SGK2: variants seen among roughly 807,000 people sequenced by gnomAD.
The protein encoded by SGK2 is serum/glucocorticoid regulated kinase 2.
In SGK2, 36 loss-of-function variants were observed where a neutral mutation model predicts 47.5. The ratio of observed to expected loss-of-function variants is 0.76; its 90% CI spans 0.58 to 1.00. The LOEUF (loss-of-function observed/expected upper bound fraction) is 1.00. Among genes scored for constraint, SGK2 ranks in the 50% least tolerant of loss-of-function variants. The probability of loss-of-function intolerance (pLI) is 0.00; values close to 1 mark genes in which losing one functional copy is unlikely to be tolerated. For synonymous variants in SGK2, 157 were observed against 181.9 expected, an observed-to-expected ratio of 0.86 and a Z score of 1.10; for missense variants, 404 against 467.4, an observed-to-expected ratio of 0.86 and a Z score of 1.25.
chr20:43,570,272 G>A (rs1171374600), intron 6 of SGK2, among the ~76,000 whole-genome samples: 1 of 152,154 alleles, frequency 6.6e-6, no homozygotes, highest in African/African-American at 2.4e-5. Context: ...TGGGCAAGTC[G>A]CCTAACCATT....
At position 43,570,647 on chromosome 20, in the gene SGK2, T is replaced by C; in HGVS notation, c.391T>C (p.Phe131Leu). The change falls in exon 7 of 13, where the codon TTC (phenylalanine) becomes CTC (leucine). Residue 131 changes from phenylalanine (F) to leucine (L), a missense_variant. Transcript: ENST00000373100. ...LFFHLQRERR[F>L]LEPRARFYAA... ...CTTCCACCTGCAGCGGGAGCGCCGGTTCCTGGAGCCCCGGGCCAGGTTCTA... is the reference window on the plus strand; with the variant it reads ...CTTCCACCTGCAGCGGGAGCGCCGGCTCCTGGAGCCCCGGGCCAGGTTCTA... 1.2e-6 allele frequency: 2 copies of C among 1,611,594 alleles called. No homozygotes were observed. Among genetic ancestry groups the C allele is most frequent in the Non-Finnish European group, 1.7e-6 (2 of 1,178,226 alleles).
chr20:43,569,364 C>A (rs201216389), intron 5 of SGK2, 21 bp from the exon 6 acceptor site: 3 of 1,613,146 alleles, frequency 1.9e-6, no homozygotes, highest in Middle Eastern at 3.3e-4. Context: ...GACATGGACC[C>A]CTCTCTTTGT....
chr20:43,567,564 AT>A (rs1979810562), intron 3 of SGK2, 100 bp from the exon 4 acceptor site: 1 of 1,086,194 alleles, frequency 9.2e-7, no homozygotes. Context: ...GGCTCTCTGT[AT>A]TTCCCCATTC....
At chr20:43,562,101 T>A (rs1247946786) in intron 1 of SGK2, among the ~76,000 whole-genome samples, 2 of 151,948 alleles carry the variant, frequency 1.3e-5, no homozygotes, top group Non-Finnish European at 2.9e-5. Flanking sequence ...AGTCAAGACC[T>A]TTGTTTTGGA....
chr20:43,585,103 A>G lies in SGK2; in HGVS notation c.*87A>G. On this transcript the variant is annotated 3_prime_UTR_variant, in exon 13 of 13. Coordinates refer to ENST00000373100, the MANE Select transcript of SGK2 (RefSeq NM_170693.3). ...GCTAGGAAGAGCGACTCAAACTAACAATGGCTTCAACGAGAAGCAGGTTTA... is the reference window on the plus strand; with the variant it reads ...GCTAGGAAGAGCGACTCAAACTAACGATGGCTTCAACGAGAAGCAGGTTTA... 1 of 1,273,744 alleles carries G rather than the reference A, an allele frequency of 7.9e-7. No homozygotes were observed. 78.9% of individuals were successfully genotyped at this position (1,273,744 alleles called of 1,614,324 possible).
At chr20:43,563,742 C>T (rs897601084) in intron 1 of SGK2, among the ~76,000 whole-genome samples, 2 of 152,172 alleles carry the variant, frequency 1.3e-5, no homozygotes, top group Admixed American at 6.5e-5. Flanking sequence ...TGAATGAAGG[C>T]CACATCAGGA....
chr20:43,567,068 C>A lies in SGK2; in HGVS notation c.37C>A (p.Pro13Thr). The A allele has an allele frequency of 6.2e-7, 1 of 1,613,644 alleles. No homozygotes were observed. The highest frequency in any genetic ancestry group is 1.3e-5 in the African/African-American group (1 of 75,028). The change falls in exon 3 of 13, where the codon CCC (proline) becomes ACC (threonine). Residue 13 changes from proline (P) to threonine (T), a missense_variant and splice_region_variant. Transcript: ENST00000373100. The part of the protein sequence containing the change: ...SSPAGTPSPQ[P>T]SRANGNINLG... Reference sequence around the variant, plus strand: ...TGATCATAATCACTTCTTTCTTTAGCCCTCCAGGGCCAATGGGAACATCAA... The same window carrying A: ...TGATCATAATCACTTCTTTCTTTAGACCTCCAGGGCCAATGGGAACATCAA...
chr20:43,562,005 G>C (rs1979415606), intron 1 of SGK2, among the ~76,000 whole-genome samples: 1 of 152,128 alleles, frequency 6.6e-6, no homozygotes, highest in African/African-American at 2.4e-5. Flanking sequence ...AAAGTTGCTG[G>C]CTTGAACTTT....
chr20:43,576,976 G>A (rs976878465), intron 11 of SGK2, among the ~76,000 whole-genome samples: 1 of 152,074 alleles, frequency 6.6e-6, no homozygotes, highest in African/African-American at 2.4e-5. Context: ...GGGATTGGGG[G>A]CAGGCAAAAA....
chr20:43,570,903 C>T (rs1568666357), intron 7 of SGK2, 121 bp from the exon 8 acceptor site: 9 of 1,502,306 alleles, frequency 6.0e-6, no homozygotes, highest in Non-Finnish European at 8.3e-6. Flanking sequence ...GGCTCTCCTT[C>T]TGCATCTCTG....
chr20:43,559,927 G>A (rs1225639540), intron 1 of SGK2, among the ~76,000 whole-genome samples: 1 of 152,202 alleles, frequency 6.6e-6, no homozygotes, highest in East Asian at 1.9e-4. Context: ...CAGGCTTGAG[G>A]ACTCATGGAG....
chr20:43,577,216 G>A (rs1343500798), intron 11 of SGK2, among the ~76,000 whole-genome samples: 2 of 152,186 alleles, frequency 1.3e-5, no homozygotes, highest in South Asian at 4.1e-4. Flanking sequence ...ATGTGCAGAA[G>A]TCCTGCTATG....
intron 9 of SGK2, among the ~76,000 whole-genome samples, chr20:43,573,911 C>A (rs1165976395): frequency 1.3e-5 from 2 of 152,142 alleles, no homozygotes; most frequent in African/African-American, 2.4e-5. Context: ...AGACATGTGG[C>A]CCCAACACAT....
chr20:43,561,885 G>A (rs555716435), intron 1 of SGK2, among the ~76,000 whole-genome samples: 1 of 152,280 alleles, frequency 6.6e-6, no homozygotes, highest in African/African-American at 2.4e-5. Context: ...GCTCAGGCAG[G>A]GCGGTTGCAG....
chr20:43,567,212 C>A, intron 3 of SGK2, 95 bp downstream of exon 3: 1 of 1,047,652 alleles, frequency 9.5e-7, no homozygotes, highest in Non-Finnish European at 1.5e-6. Context: ...TCTGGTCTAG[C>A]ATTCAAGACT....
At position 43,574,977 on chromosome 20, in the gene SGK2, A is replaced by C. The variant is rs1211199630; in HGVS notation, c.666A>C (p.Ala222=). ...DRAVDWWCLG[A]VLYEMLHGLP... ...CAGTGGACTGGTGGTGCTTGGGGGC[A>C]GTCCTCTACGAGATGCTCCATGGCC... is the stretch of plus-strand genomic sequence containing the variant. The change falls in exon 10 of 13, where the codon GCA becomes GCC. Residue 222 remains alanine (A), a synonymous_variant. Transcript: ENST00000373100. 2 of 1,613,790 alleles carry C rather than the reference A, an allele frequency of 1.2e-6. No individual in the cohort carries two copies. The highest frequency in any genetic ancestry group is 1.7e-6 in the Non-Finnish European group (2 of 1,179,806).
In SGK2 at chr20:43,568,040, C is replaced by T. The variant is rs760054415; in HGVS notation, c.228+41C>T. 4 of 1,550,490 alleles carry T rather than the reference C, an allele frequency of 2.6e-6. No homozygotes were observed. In the East Asian group the frequency reaches 6.8e-5, roughly 26 times the overall value. The stretch of plus-strand genomic sequence containing the variant: ...CACAGGCATTTCTTCTTCTGCTTCT[C>T]AAGCCGCAGCCTAGGGTGGCTTTCA... On this transcript the variant is annotated intron_variant, in intron 5 of 12. Transcript: ENST00000373100.
chr20:43,561,595 G>A (rs954952793), intron 1 of SGK2, among the ~76,000 whole-genome samples: 1 of 151,982 alleles, frequency 6.6e-6, no homozygotes, highest in East Asian at 1.9e-4. Context: ...TCACCATGTT[G>A]GCCAGGATGG....
chr20:43,561,143 C>T (rs184977790), intron 1 of SGK2, among the ~76,000 whole-genome samples: 2 of 152,294 alleles, frequency 1.3e-5, no homozygotes, highest in East Asian at 3.9e-4. Context: ...TGACTTTAAG[C>T]AGAAGCCTCT....
Sources: allele counts gnomAD v4.1 joint callset (sites outside exome capture counted in the v4.1 genomes callset), GRCh38; gene constraint gnomAD v4.1.1; transcripts MANE v1.5; gene names NCBI Gene and HGNC (gene_info 2026-07-23, HGNC 2026-07-21).